ABCB7: variants seen among roughly 807,000 people sequenced by gnomAD.
The protein encoded by ABCB7 is ATP binding cassette subfamily B member 7, also known as iron-sulfur clusters transporter ABCB7, mitochondrial.
In ABCB7, 7 loss-of-function variants were observed where a neutral mutation model predicts 54.4. The observed-to-expected ratio is 0.13, with a 90% CI of 0.07 to 0.24. The LOEUF (loss-of-function observed/expected upper bound fraction) is 0.24, where lower values mean the gene tolerates loss of function less well. Among genes scored for constraint, ABCB7 ranks in the 10% least tolerant of loss-of-function variants. The pLI, the probability that ABCB7 is intolerant of heterozygous loss-of-function variation, is 1.00. For missense variants in ABCB7, 356 were observed against 570.4 expected (o/e 0.62, Z 3.83); for synonymous variants, 218 against 207.1 (o/e 1.05, Z -0.45).
intron 1 of ABCB7, among the ~76,000 whole-genome samples, chrX:75,116,392 T>C (rs1344847359): frequency 1.9e-5 from 2 of 108,053 alleles, no homozygotes; most frequent in African/African-American, 3.4e-5. Flanking sequence ...TGAGGTTGTG[T>C]CATGTGCCAT....
intron 1 of ABCB7, among the ~76,000 whole-genome samples, chrX:75,155,105 T>C (rs893000136): frequency 7.1e-5 from 8 of 113,040 alleles, no homozygotes; most frequent in African/African-American, 2.2e-4. Flanking sequence ...ACTGTGTTTT[T>C]CAGTTATTTT....
chrX:75,078,933 C>T (rs1033835473), intron 4 of ABCB7, among the ~76,000 whole-genome samples: 3 of 111,587 alleles, frequency 2.7e-5, no homozygotes, highest in African/African-American at 9.8e-5. Context: ...GGATACAGTC[C>T]CTCACCTGCA....
At chrX:75,153,100 C>T (rs184662530) in intron 1 of ABCB7, among the ~76,000 whole-genome samples, 10 of 106,796 alleles carry the variant, frequency 9.4e-5, no homozygotes, top group East Asian at 6.0e-4. Flanking sequence ...GTTTTTGAGA[C>T]GGAGTCTTGC....
intron 1 of ABCB7, among the ~76,000 whole-genome samples, chrX:75,126,646 T>C (rs976200877): frequency 1.8e-5 from 2 of 109,081 alleles, no homozygotes; most frequent in East Asian, 5.8e-4. Context: ...ATTAACAAAA[T>C]AGATAGATGA....
At chrX:75,107,343 G>A (rs1373729730) in intron 3 of ABCB7, among the ~76,000 whole-genome samples, 2 of 111,394 alleles carry the variant, frequency 1.8e-5, no homozygotes, top group African/African-American at 3.3e-5. Flanking sequence ...GGCTGAGGGC[G>A]AGGGTCACAC....
chrX:75,127,390 G>A (rs1444632814), intron 1 of ABCB7, among the ~76,000 whole-genome samples: 1 of 111,430 alleles, frequency 9.0e-6, no homozygotes, highest in Admixed American at 9.5e-5. Flanking sequence ...AATAAACTAG[G>A]TATTGATGGA....
intron 4 of ABCB7, among the ~76,000 whole-genome samples, chrX:75,098,002 G>A (rs1220033135): frequency 9.0e-6 from 1 of 111,547 alleles, no homozygotes; most frequent in Non-Finnish European, 1.9e-5. Context: ...GTACTTCCCT[G>A]ACTTTAAAAT....
chrX:75,083,495 A>G (rs902993993), intron 4 of ABCB7, among the ~76,000 whole-genome samples: 2 of 111,755 alleles, frequency 1.8e-5, no homozygotes, highest in African/African-American at 6.5e-5. Context: ...AAGGATGTCA[A>G]TTCTACCCAA....
chrX:75,123,993 C>T (rs1365366790), intron 1 of ABCB7, among the ~76,000 whole-genome samples: 3 of 111,968 alleles, frequency 2.7e-5, no homozygotes, highest in African/African-American at 9.7e-5. Context: ...ACAAAATATT[C>T]TTCTTGATTG....
chrX:75,065,282 ATATC>A (rs1464999904), intron 12 of ABCB7, 41 bp from the exon 13 acceptor site: 1 of 1,077,357 alleles, frequency 9.3e-7, no homozygotes, highest in Non-Finnish European at 1.3e-6. Context: ...CTATATCTAT[ATATC>A]TCTCTCTATT....
chrX:75,119,938 T>C (rs2081860072), intron 1 of ABCB7, among the ~76,000 whole-genome samples: 1 of 111,955 alleles, frequency 8.9e-6, no homozygotes, highest in African/African-American at 3.2e-5. Context: ...TTGACAGGTG[T>C]TCTTAAATGC....
rs766159518 is a variant in ABCB7 at position 75,156,132 on chromosome X, G to A, written c.141C>T (p.Gly47=). 1 of 1,209,628 alleles carries A rather than the reference G, an allele frequency of 8.3e-7. No individual in the cohort carries two copies. Among genetic ancestry groups the A allele is most frequent in the South Asian group, 1.8e-5 (1 of 56,401 alleles). ...SGPQWRPHQL[G]ALGTARAYQI... ...GGTAGGCTCGAGCGGTTCCCAAGGC[G>A]CCGAGTTGATGTGGCCTCCACTGCG... The change falls in exon 1 of 16, where the codon GGC becomes GGT. Residue 47 remains glycine (G), a synonymous_variant. Transcript: ENST00000373394.
intron 1 of ABCB7, among the ~76,000 whole-genome samples, chrX:75,146,787 AGCAACT>A (rs1313942862): frequency 8.9e-6 from 1 of 112,117 alleles, no homozygotes; most frequent in Non-Finnish European, 1.9e-5. Context: ...AAACAACAAA[AGCAACT>A]GCAACAAAAG....
chrX:75,069,223 G>C, intron 11 of ABCB7, 68 bp downstream of exon 11: 2 of 1,200,013 alleles, frequency 1.7e-6, no homozygotes, highest in Non-Finnish European at 2.3e-6. Context: ...TTTTGATAAA[G>C]AAAGAAATAT....
chrX:75,116,343 A>G (rs780822793), intron 1 of ABCB7, among the ~76,000 whole-genome samples: 15 of 104,284 alleles, frequency 1.4e-4, no homozygotes, highest in Non-Finnish European at 2.7e-4. Flanking sequence ...AACACAAGCT[A>G]TAACCAAACC....
At chrX:75,068,275 G>T (rs2081337746) in intron 12 of ABCB7, among the ~76,000 whole-genome samples, 1 of 111,309 alleles carries the variant, frequency 9.0e-6, no homozygotes, top group Non-Finnish European at 1.9e-5. Flanking sequence ...CCAGGGATTT[G>T]ATTCTGGCTC....
At chrX:75,113,100 G>C (rs2081776907) in intron 2 of ABCB7, 128 bp from the exon 3 acceptor site, 2 of 519,138 alleles carry the variant, frequency 3.9e-6, no homozygotes, top group Admixed American at 5.7e-5. Flanking sequence ...ATTTAGTCTG[G>C]CATAGTAAAG....
At chrX:75,155,439 A>T (rs1360159348) in intron 1 of ABCB7, among the ~76,000 whole-genome samples, 2 of 112,615 alleles carry the variant, frequency 1.8e-5, no homozygotes, top group African/African-American at 6.5e-5. Context: ...CTCAAATTTT[A>T]GGAGGCACTA....
chrX:75,071,414 C>A, intron 9 of ABCB7, 95 bp downstream of exon 9: 1 of 1,007,567 alleles, frequency 9.9e-7, no homozygotes, highest in South Asian at 1.9e-5. Context: ...ACTTTAACAT[C>A]CTTTATAATT....
Sources: allele counts gnomAD v4.1 joint callset (sites outside exome capture counted in the v4.1 genomes callset), GRCh38; gene constraint gnomAD v4.1.1; transcripts MANE v1.5; gene names NCBI Gene and HGNC (gene_info 2026-07-23, HGNC 2026-07-21).